Variants in CEMIP2 observed in about 807,000 individuals in gnomAD.
CEMIP2 encodes cell surface hyaluronidase CEMIP2.
In CEMIP2, 79 loss-of-function variants were observed where a neutral mutation model predicts 146.9. That is an observed-to-expected ratio of 0.54 (90% CI 0.45 to 0.65). The LOEUF is 0.65. CEMIP2 is among the 30% of genes least tolerant of loss of function. The pLI, the probability that CEMIP2 is intolerant of heterozygous loss-of-function variation, is 0.00. For synonymous variants in CEMIP2, 601 were observed against 606.3 expected (o/e 0.99, Z 0.13); for missense variants, 1,596 against 1,696.2 (o/e 0.94, Z 1.04).
At position 71,685,395 on chromosome 9, in the gene CEMIP2, T is replaced by TAAAAAA. The variant is rs36080695; in HGVS notation, c.3956-8_3956-3dup. 1.9e-4 allele frequency: 226 copies of TAAAAAA among 1,178,556 alleles called. No individual in the cohort carries two copies. Among genetic ancestry groups the TAAAAAA allele is most frequent in the South Asian group, 1.5e-3 (52 of 34,678 alleles). The allele number at this position is 1,178,556 out of a possible 1,614,324, so 73.0% of individuals were successfully genotyped here. On this transcript the variant is annotated splice_region_variant and splice_polypyrimidine_tract_variant and intron_variant, in intron 23 of 23. Coordinates refer to ENST00000377044, the MANE Select transcript of CEMIP2 (RefSeq NM_013390.3). ...TGAATCCCAAAAATATGGTACTCCC[T>TAAAAAA]AAAAAAAAAAAAAAAAAAGAAAAAG...
Position 71,725,599 on chromosome 9 carries a change from C to T in CEMIP2, c.2160G>A (p.Arg720=). ...AACCTACCTTAAAATTTGAATGGAC[C>T]CTGTTGTTATAAAATATACCCAATG... ...LTPLGIFYNN[R]VHSNFKAGLF... is the part of the protein sequence containing the mutation. The change falls in exon 11 of 24, where the codon AGG becomes AGA. Residue 720 remains arginine (R), a synonymous_variant. Transcript: ENST00000377044. The T allele has an allele frequency of 1.2e-6, 2 of 1,613,466 alleles. No homozygotes were observed. Among genetic ancestry groups the T allele is most frequent in the Non-Finnish European group, 8.5e-7 (1 of 1,179,758 alleles).
intron 23 of CEMIP2, 101 bp from the exon 24 acceptor site, chr9:71,685,494 G>A: frequency 7.6e-7 from 1 of 1,314,946 alleles, no homozygotes; most frequent in South Asian, 1.8e-5. Context: ...GCAAAACAAA[G>A]GCAGCTATTA....
At chr9:71,748,415 C>A (rs1033504464) in intron 2 of CEMIP2, among the ~76,000 whole-genome samples, 5 of 152,098 alleles carry the variant, frequency 3.3e-5, no homozygotes, top group African/African-American at 1.2e-4. Context: ...TTCAGCATAC[C>A]AGATCTTTCC....
At chr9:71,757,265 C>T (rs1348257609) in intron 1 of CEMIP2, among the ~76,000 whole-genome samples, 1 of 152,184 alleles carries the variant, frequency 6.6e-6, no homozygotes, top group Non-Finnish European at 1.5e-5. Flanking sequence ...TCAAATCACG[C>T]CTAGGCTTTT....
At chr9:71,693,469 T>C (rs1293693047) in intron 21 of CEMIP2, among the ~76,000 whole-genome samples, 1 of 152,148 alleles carries the variant, frequency 6.6e-6, no homozygotes, top group South Asian at 2.1e-4. Flanking sequence ...TTCATTTTCC[T>C]CAACTGAAAA....
At chr9:71,741,781 G>A (rs1156715156) in intron 4 of CEMIP2, among the ~76,000 whole-genome samples, 3 of 151,262 alleles carry the variant, frequency 2.0e-5, no homozygotes, top group Non-Finnish European at 4.4e-5. Context: ...TGGGATTACG[G>A]GTGCCCACCA....
chr9:71,720,520 G>A, intron 12 of CEMIP2, among the ~76,000 whole-genome samples: 1 of 152,154 alleles, frequency 6.6e-6, no homozygotes, highest in East Asian at 1.9e-4. Context: ...TTGAACTCCT[G>A]ATCTCAGGTG....
At position 71,722,728 on chromosome 9, in the gene CEMIP2, A is replaced by G. The variant is rs1296885791; in HGVS notation, c.2179-213T>C. The stretch of plus-strand genomic sequence containing the variant: ...CTCATTTCACTCATTTAGTCATTCA[A>G]CAAATACTTACTGGTAGGCACCCAG... On this transcript the variant is annotated intron_variant, in intron 11 of 23. Coordinates refer to ENST00000377044, the MANE Select transcript of CEMIP2 (RefSeq NM_013390.3). 2.0e-5 allele frequency among the ~76,000 whole-genome samples: 3 copies of G among 152,340 alleles called. No homozygotes were observed. In the East Asian group the frequency reaches 5.8e-4, roughly 29 times the overall value.
chr9:71,709,173 ACTGAAAAG>A, intron 17 of CEMIP2, 78 bp downstream of exon 17: 1 of 1,245,596 alleles, frequency 8.0e-7, no homozygotes, highest in South Asian at 1.2e-5. Flanking sequence ...TGTCAATCAC[ACTGAAAAG>A]CTGAAGAGTA....
intron 18 of CEMIP2, among the ~76,000 whole-genome samples, chr9:71,703,241 G>A (rs1421346025): frequency 1.3e-5 from 2 of 152,192 alleles, no homozygotes; most frequent in Admixed American, 6.5e-5. Flanking sequence ...AACCAACAGG[G>A]TGCAGTTACG....
Position 71,745,255 on chromosome 9 carries a change from C to T in CEMIP2, c.797G>A (p.Gly266Asp), listed in dbSNP as rs1341763245. The T allele has an allele frequency of 6.2e-7, 1 of 1,613,920 alleles. No homozygotes were observed. The highest frequency in any genetic ancestry group is 8.5e-7 in the Non-Finnish European group (1 of 1,180,012). The change falls in exon 4 of 24, where the codon GGC becomes GAC. Residue 266 changes from glycine (G) to aspartate (D), a missense_variant. By Grantham distance (94) the Gly-to-Asp change is moderately conservative (BLOSUM62 -1). Coordinates refer to ENST00000377044, the MANE Select transcript of CEMIP2 (RefSeq NM_013390.3). ...TTGGTCAATGACCCTCACATTGAGG[C>T]CCCGGGAAAAGTCCTTTTCAAAGGT... is the stretch of plus-strand genomic sequence containing the variant. ...SYTFEKDFSR[G>D]LNVRVIDQDT...
intron 1 of CEMIP2, among the ~76,000 whole-genome samples, chr9:71,762,612 C>CT (rs2132046796): frequency 6.6e-6 from 1 of 150,746 alleles, no homozygotes; most frequent in African/African-American, 2.4e-5. Flanking sequence ...AGAAAAAACA[C>CT]TTGAAGATTA....
chr9:71,751,861 T>G (rs1217732151), intron 1 of CEMIP2, among the ~76,000 whole-genome samples: 1 of 152,206 alleles, frequency 6.6e-6, no homozygotes, highest in Non-Finnish European at 1.5e-5. Flanking sequence ...TATTACTATC[T>G]GTGTTATCAC....
chr9:71,716,642 C>T (rs1232074941), intron 13 of CEMIP2, 90 bp from the exon 14 acceptor site: 5 of 1,117,208 alleles, frequency 4.5e-6, no homozygotes, highest in Non-Finnish European at 6.5e-6. Flanking sequence ...TCATGAAATC[C>T]AAAAGGTCCC....
intron 19 of CEMIP2, chr9:71,699,349 G>C: frequency 5.0e-6 from 2 of 399,136 alleles, no homozygotes; most frequent in Non-Finnish European, 1.0e-5. Context: ...GTGAGGCTGA[G>C]GTGGGAGGAT....
At chr9:71,733,636 A>G (rs1054178768) in intron 6 of CEMIP2, among the ~76,000 whole-genome samples, 1 of 152,212 alleles carries the variant, frequency 6.6e-6, no homozygotes, top group Non-Finnish European at 1.5e-5. Context: ...GCACTTACTG[A>G]ACAGTTACTG....
intron 2 of CEMIP2, among the ~76,000 whole-genome samples, chr9:71,747,287 C>A (rs1216815605): frequency 2.6e-5 from 4 of 152,192 alleles, no homozygotes; most frequent in African/African-American, 7.2e-5. Flanking sequence ...GCTCACATTT[C>A]CTCAGAGTTT....
chr9:71,731,134 T>C (rs1823604419), intron 7 of CEMIP2: 1 of 588,214 alleles, frequency 1.7e-6, no homozygotes, highest in Non-Finnish European at 3.0e-6. Flanking sequence ...CAATTAGGAA[T>C]AAAGGCAAAT....
chr9:71,741,951 A>G (rs1823934385), intron 4 of CEMIP2, among the ~76,000 whole-genome samples: 1 of 152,052 alleles, frequency 6.6e-6, no homozygotes, highest in Non-Finnish European at 1.5e-5. Flanking sequence ...CGGCCTAAAA[A>G]CATTTCTGAT....
Sources: gnomAD v4.1 joint callset for allele counts (sites outside exome capture counted in the v4.1 genomes callset) on GRCh38, gnomAD v4.1.1 for gene constraint, MANE v1.5 for transcripts, NCBI Gene and HGNC (gene_info 2026-07-23, HGNC 2026-07-21) for gene names.